SLIT3: variants seen among roughly 807,000 people sequenced by gnomAD.
The protein encoded by SLIT3 is slit guidance ligand 3, also known as slit homolog 3 protein.
A neutral mutation model predicts 184.0 loss-of-function variants in SLIT3; 68 were observed. That is an observed-to-expected ratio of 0.37 (90% confidence interval 0.30 to 0.45). The LOEUF (loss-of-function observed/expected upper bound fraction) is 0.45, where lower values mean the gene tolerates loss of function less well. SLIT3 is among the 20% of genes least tolerant of loss of function. The probability of loss-of-function intolerance (pLI) is 1.00; values close to 1 mark genes in which losing one functional copy is unlikely to be tolerated. For missense variants in SLIT3, 1,707 were observed against 2,026.0 expected, an observed-to-expected ratio of 0.84 and a Z score of 3.02; for synonymous variants, 831 against 828.6, an observed-to-expected ratio of 1.00 and a Z score of -0.05.
intron 6 of SLIT3, among the ~76,000 whole-genome samples, chr5:168,823,847 G>A (rs943468745): frequency 2.6e-5 from 4 of 152,172 alleles, no homozygotes; most frequent in Admixed American, 6.5e-5. Flanking sequence ...CTACCTTGCT[G>A]CATTCTCCTT....
At chr5:169,190,398 C>G (rs1387478492) in intron 4 of SLIT3, among the ~76,000 whole-genome samples, 1 of 152,226 alleles carries the variant, frequency 6.6e-6, no homozygotes, top group Non-Finnish European at 1.5e-5. Context: ...TTCCTGAAGC[C>G]ATTCATAACT....
At chr5:169,015,448 T>C (rs910403108) in intron 4 of SLIT3, among the ~76,000 whole-genome samples, 1 of 152,204 alleles carries the variant, frequency 6.6e-6, no homozygotes, top group African/African-American at 2.4e-5. Context: ...TATGCATGCA[T>C]TTGTGCAAGC....
intron 4 of SLIT3, among the ~76,000 whole-genome samples, chr5:169,002,322 C>CAAAAAAAAAAAAAAAAGAAAA (rs1755732744): frequency 4.1e-5 from 1 of 24,198 alleles, no homozygotes; most frequent in Non-Finnish European, 7.3e-5. Context: ...GACTCTGTCT[C>CAAAAAAAAAAAAAAAAGAAAA]AAAAAAAAAA....
intron 12 of SLIT3, among the ~76,000 whole-genome samples, chr5:168,783,782 A>C (rs928344929): frequency 2.6e-5 from 4 of 152,166 alleles, no homozygotes; most frequent in African/African-American, 9.7e-5. Context: ...GTCAAAACCC[A>C]ATGACAGCTA....
At chr5:169,108,136 C>G (rs1329722102) in intron 4 of SLIT3, among the ~76,000 whole-genome samples, 1 of 152,180 alleles carries the variant, frequency 6.6e-6, no homozygotes, top group African/African-American at 2.4e-5. Flanking sequence ...TGTAGCTACT[C>G]AAAAGTAGCA....
chr5:168,707,961 G>A lies in SLIT3; in HGVS notation c.2844+15C>T. The A allele has an allele frequency of 1.2e-6, 2 of 1,613,994 alleles. No individual in the cohort carries two copies. Among genetic ancestry groups the A allele is most frequent in the South Asian group, 2.2e-5 (2 of 91,062 alleles). ...CCTGAGGCATGAACACGGGGGGGCA[G>A]GGCCTCCAGCATACCTTGTAGCTGT... On this transcript the variant is annotated intron_variant, in intron 26 of 35. Coordinates refer to ENST00000519560, the MANE Select transcript of SLIT3 (RefSeq NM_003062.4).
intron 4 of SLIT3, among the ~76,000 whole-genome samples, chr5:169,174,099 C>G (rs1762896631): frequency 6.6e-6 from 1 of 152,154 alleles, no homozygotes; most frequent in African/African-American, 2.4e-5. Context: ...CAAGGGCACA[C>G]CTGAAAGAAG....
At chr5:168,768,315 T>G (rs1755417231) in intron 14 of SLIT3, 1 of 468,742 alleles carries the variant, frequency 2.1e-6, no homozygotes, top group Non-Finnish European at 4.4e-6. Flanking sequence ...GGAAGCAGCG[T>G]GGAGAAGCGG....
chr5:169,175,100 C>T (rs297868), intron 4 of SLIT3, among the ~76,000 whole-genome samples: 18,602 of 152,068 alleles, frequency 0.12, 1,212 homozygotes, highest in South Asian at 0.15. Context: ...TGAACAATGA[C>T]GGCAATGATG....
At chr5:168,686,070 G>A (rs1761734310) in intron 30 of SLIT3, 143 bp from the exon 31 acceptor site, 2 of 943,730 alleles carry the variant, frequency 2.1e-6, no homozygotes, top group Non-Finnish European at 2.9e-6. Flanking sequence ...TTCCAGCCCT[G>A]CCACTAACCG....
intron 14 of SLIT3, among the ~76,000 whole-genome samples, chr5:168,770,415 G>GC (rs1755507947): frequency 1.3e-5 from 2 of 152,108 alleles, no homozygotes; most frequent in African/African-American, 2.4e-5. Flanking sequence ...TGTGTCACCT[G>GC]CCCCCCTTCT....
At chr5:168,811,447 CTTCT>C (rs924606017) in intron 8 of SLIT3, among the ~76,000 whole-genome samples, 7 of 152,184 alleles carry the variant, frequency 4.6e-5, no homozygotes, top group African/African-American at 1.2e-4. Flanking sequence ...GCCCTGTGCT[CTTCT>C]TTCTGTCTGC....
intron 4 of SLIT3, among the ~76,000 whole-genome samples, chr5:169,010,153 T>C (rs1366467997): frequency 6.6e-6 from 1 of 152,138 alleles, no homozygotes; most frequent in Non-Finnish European, 1.5e-5. Flanking sequence ...AACAAGACCC[T>C]AAAAAAGTGG....
At chr5:168,883,489 A>G (rs1315246886) in intron 4 of SLIT3, among the ~76,000 whole-genome samples, 153 bp from the exon 5 acceptor site, 1 of 152,208 alleles carries the variant, frequency 6.6e-6, no homozygotes, top group Non-Finnish European at 1.5e-5. Flanking sequence ...GGCTGCTACA[A>G]GCATTCACAT....
At chr5:169,073,815 T>C (rs1310491880) in intron 4 of SLIT3, among the ~76,000 whole-genome samples, 1 of 152,174 alleles carries the variant, frequency 6.6e-6, no homozygotes, top group Non-Finnish European at 1.5e-5. Context: ...CAAAAGCAGA[T>C]GCTTGCACCA....
chr5:168,748,111 T>G (rs1030201137), intron 20 of SLIT3, among the ~76,000 whole-genome samples, 191 bp downstream of exon 20: 4 of 152,176 alleles, frequency 2.6e-5, no homozygotes, highest in African/African-American at 9.7e-5. Context: ...CCATGTTTCC[T>G]GTGCCCTTGT....
chr5:168,844,025 T>A (rs968653111), intron 6 of SLIT3, among the ~76,000 whole-genome samples: 19 of 148,274 alleles, frequency 1.3e-4, no homozygotes, highest in Non-Finnish European at 2.5e-4. Context: ...GGTCACTGTT[T>A]AAAGTTTGAA....
chr5:169,041,022 C>G (rs899825859), intron 4 of SLIT3, among the ~76,000 whole-genome samples: 4 of 152,156 alleles, frequency 2.6e-5, no homozygotes, highest in Non-Finnish European at 4.4e-5. Context: ...GTTCAGCTAC[C>G]CACAATTTGT....
At chr5:169,183,867 C>T (rs1383838690) in intron 4 of SLIT3, among the ~76,000 whole-genome samples, 1 of 152,204 alleles carries the variant, frequency 6.6e-6, no homozygotes, top group Non-Finnish European at 1.5e-5. Flanking sequence ...GTAAAAATTA[C>T]AAGCATATTC....
Sources: allele counts gnomAD v4.1 joint callset (sites outside exome capture counted in the v4.1 genomes callset), GRCh38; gene constraint gnomAD v4.1.1; transcripts MANE v1.5; gene names NCBI Gene and HGNC (gene_info 2026-07-23, HGNC 2026-07-21).